Variants in CFAP74 observed in about 807,000 individuals in gnomAD.
CFAP74 encodes the protein cilia and flagella associated protein 74, also known as cilia- and flagella-associated protein 74.
CFAP74 carries 124 observed loss-of-function variants against 188.9 expected under a neutral mutation model. That is an observed-to-expected ratio of 0.66 (90% CI 0.57 to 0.76). CFAP74 has a LOEUF of 0.76. Ranked by LOEUF, CFAP74 falls within the 30% of genes least tolerant of loss-of-function variation. CFAP74 has a pLI of 0.00. For missense variants in CFAP74, 2,198 were observed against 2,165.2 expected (o/e 1.02, Z -0.30); for synonymous variants, 956 against 916.7 (o/e 1.04, Z -0.77).
rs759858034 is a variant in CFAP74, at chr1:1,923,793, C to G, written c.4371G>C (p.Gln1457His). 1.9e-6 allele frequency: 3 copies of G among 1,613,468 alleles called. No individual in the cohort carries two copies. Among genetic ancestry groups the G allele is most frequent in the Non-Finnish European group, 1.7e-6 (2 of 1,179,864 alleles). ...HESLYFSDKL[Q>H]VVLFEKKISH... Reference sequence around the variant, plus strand: ...GCCGCACCTTTTCAAAGAGCACCACCTGGAGCTTGTCGGAGAAGTAGAGGC... The same window carrying G: ...GCCGCACCTTTTCAAAGAGCACCACGTGGAGCTTGTCGGAGAAGTAGAGGC... The change falls in exon 35 of 39, where the codon CAG becomes CAC. Residue 1457 changes from glutamine to histidine, a missense_variant. Physicochemically the swap from Gln to His is conservative, Grantham distance 24. Transcript: ENST00000682832. This position sits in a 1 kb window ranked among gnomAD's most constrained non-coding sequence, Gnocchi z 6.3.
At position 1,979,037 on chromosome 1, in the gene CFAP74, A is replaced by G. The variant is rs536356620; in HGVS notation, c.501-4839T>C. Among the ~76,000 whole-genome samples, 5 of 148,320 alleles carry G rather than the reference A, an allele frequency of 3.4e-5. No individual in the cohort carries two copies. The South Asian group carries it at 1.1e-3, about 32-fold the overall frequency. ...GTGTCGTGCTGAGCTGGGCGTGGGA[A>G]GGCGTCATGTGACGAGGCTGCACAG... is the stretch of plus-strand genomic sequence containing the variant. On this transcript the variant is annotated intron_variant, in intron 6 of 38. Transcript: ENST00000682832.
In CFAP74 at chr1:1,960,021, G is replaced by A. The variant is rs926493525; in HGVS notation, c.1704C>T (p.Pro568=). 1 of 1,592,328 alleles carries A rather than the reference G, an allele frequency of 6.3e-7. No homozygotes were observed. Among genetic ancestry groups the A allele is most frequent in the African/African-American group, 1.4e-5 (1 of 72,616 alleles). ...ACATTCCGGCTGACAGGGGGCCAGG[G>A]GGGTCAAAGCTGCAGGACGTGACCC... ...LRDFIHVDFD[P]PGPLSAGMSC... The change falls in exon 15 of 39, where the codon CCC becomes CCT. Residue 568 remains proline (P), a synonymous_variant. Coordinates refer to ENST00000682832, the MANE Select transcript of CFAP74 (RefSeq NM_001304360.2).
At chr1:1,946,479 T>G (rs766773509) in intron 19 of CFAP74, 40 bp from the exon 20 acceptor site, 2 of 1,499,574 alleles carry the variant, frequency 1.3e-6, no homozygotes, top group Non-Finnish European at 8.9e-7. Flanking sequence ...CCAGGCTTCA[T>G]GGCTTTTAAG....
rs911573619 is a variant in CFAP74, at chr1:1,942,392, C to T, written c.2487-236G>A. On this transcript the variant is annotated intron_variant, in intron 21 of 38. Transcript: ENST00000682832. This position sits in a 1 kb window ranked among gnomAD's most constrained non-coding sequence, Gnocchi z 4.3. ...GAAGAATTCTTAAAAATAACCACATCGAAACGGAAGCACGGTCCTAATGGG... is the reference window on the plus strand; with the variant it reads ...GAAGAATTCTTAAAAATAACCACATTGAAACGGAAGCACGGTCCTAATGGG... Among the ~76,000 whole-genome samples the T allele has an allele frequency of 1.3e-5, 2 of 152,176 alleles. No homozygotes were observed.
chr1:1,998,770 G>A lies in CFAP74; in HGVS notation c.-20+4931C>T, dbSNP rs542927477. Among the ~76,000 whole-genome samples, 110 of 152,132 alleles carry A rather than the reference G, an allele frequency of 7.2e-4. No homozygotes were observed. In the East Asian group the frequency reaches 8.1e-3, roughly 11 times the overall value. On this transcript the variant is annotated intron_variant, in intron 1 of 38. Transcript: ENST00000682832. ...CGGGCACCTGTAGTCCCAGCTACTC[G>A]GGAGGCTGAGGTAGGAGAATGGCGT...
chr1:1,936,929 T>C (rs1316415002), intron 25 of CFAP74, among the ~76,000 whole-genome samples: 2 of 147,742 alleles, frequency 1.4e-5, no homozygotes, highest in Admixed American at 1.4e-4. Flanking sequence ...AAAATTAAAA[T>C]GTAAAAGTTC....
chr1:1,972,151 GCT>G, intron 8 of CFAP74, 69 bp from the exon 9 acceptor site: 1 of 1,184,034 alleles, frequency 8.4e-7, no homozygotes, highest in Non-Finnish European at 1.2e-6. Flanking sequence ...TGCGATCACA[GCT>G]CTCTGCAGCC....
intron 4 of CFAP74, chr1:1,988,073 C>T (rs763713444): frequency 2.1e-6 from 1 of 469,866 alleles, no homozygotes. Context: ...CCTCCCAAGT[C>T]ACTGGGACCA....
rs567307976 is a variant in CFAP74 at position 1,943,014 on chromosome 1, AC to A, written c.2487-859del. Among the ~76,000 whole-genome samples the A allele has an allele frequency of 3.6e-3, 546 of 152,198 alleles. 7 individuals are homozygous for A. Among genetic ancestry groups the A allele is most frequent in the Middle Eastern group, 0.017 (5 of 294 alleles). ...TGCGTCTGGGCACGCCAGCCTCTGC[AC>A]CCCTACTGCTGGGCCCCATGGGAGG... is the stretch of plus-strand genomic sequence containing the variant. On this transcript the variant is annotated intron_variant, in intron 21 of 38. Transcript: ENST00000682832.
chr1:1,990,982 AAG>A lies in CFAP74; in HGVS notation c.-19-9_-19-8del. 1 of 1,572,704 alleles carries A rather than the reference AAG, an allele frequency of 6.4e-7. No individual in the cohort carries two copies. Among genetic ancestry groups the A allele is most frequent in the Non-Finnish European group, 8.7e-7 (1 of 1,150,950 alleles). On this transcript the variant is annotated splice_region_variant and splice_polypyrimidine_tract_variant and intron_variant, in intron 1 of 38. Coordinates refer to ENST00000682832, the MANE Select transcript of CFAP74 (RefSeq NM_001304360.2). ...GCTGGGAGATAGAAATTAGCTGCAA[AAG>A]ATGATCGCAAAATATAGATCAATAA... is the stretch of plus-strand genomic sequence containing the variant.
rs754244636 is a variant in CFAP74, at chr1:1,970,792, A to T, written c.913T>A (p.Trp305Arg). The T allele has an allele frequency of 6.2e-7, 1 of 1,614,132 alleles. No homozygotes were observed. Among genetic ancestry groups the T allele is most frequent in the South Asian group, 1.1e-5 (1 of 91,092 alleles). Residue 305 changes from tryptophan (W) to arginine (R), a missense_variant, in exon 10 of 39, where the codon TGG becomes AGG. Transcript: ENST00000682832. The stretch of plus-strand genomic sequence containing the variant: ...GCCAGCTCTGCCTTGGCACGGTCCC[A>T]TGCTTGGAACTTCCGCAGTGTGTCC... ...NRDTLRKFQA[W>R]DRAKAELAEQ...
chr1:1,941,724 C>T (rs569739260), intron 22 of CFAP74, among the ~76,000 whole-genome samples: 3 of 152,310 alleles, frequency 2.0e-5, no homozygotes, highest in South Asian at 2.1e-4. Context: ...TGAGAGCCAC[C>T]GGCCATGCAT....
In CFAP74 at chr1:1,923,539, G is replaced by A. The variant is rs765205068; in HGVS notation, c.4390-40C>T. The A allele has an allele frequency of 2.5e-6, 4 of 1,591,946 alleles. No homozygotes were observed. Among genetic ancestry groups the A allele is most frequent in the African/African-American group, 1.3e-5 (1 of 74,566 alleles). On this transcript the variant is annotated intron_variant, in intron 35 of 38. Coordinates refer to ENST00000682832, the MANE Select transcript of CFAP74 (RefSeq NM_001304360.2). The surrounding 1 kb of genome is among the most constrained non-coding windows in gnomAD (Gnocchi z 6.3). ...TGGAGTGGCCTTGTCCCCGAAGCTC[G>A]GCGGCAGGGGTCCTGCTGGTGAGAG...
intron 1 of CFAP74, among the ~76,000 whole-genome samples, chr1:2,002,001 T>A (rs1439868297): frequency 3.9e-5 from 6 of 152,172 alleles, no homozygotes; most frequent in Admixed American, 3.9e-4. Flanking sequence ...GCTGGATCCT[T>A]CCACGCTGGG....
At chr1:1,939,801 C>T (rs1468103529) in intron 23 of CFAP74, 34 bp from the exon 24 acceptor site, 20 of 1,520,482 alleles carry the variant, frequency 1.3e-5, no homozygotes, top group Non-Finnish European at 1.8e-5. Flanking sequence ...CCCTCGCAGC[C>T]ACTCGGAGAC....
intron 20 of CFAP74, among the ~76,000 whole-genome samples, chr1:1,946,006 G>A (rs1476132732): frequency 6.7e-6 from 1 of 149,334 alleles, no homozygotes; most frequent in African/African-American, 2.5e-5. Context: ...GCATGTGTGC[G>A]GGACTGCGTG....
intron 4 of CFAP74, among the ~76,000 whole-genome samples, 155 bp from the exon 5 acceptor site, chr1:1,987,190 C>G (rs1299137249): frequency 6.6e-6 from 1 of 152,256 alleles, no homozygotes; most frequent in South Asian, 2.1e-4. Flanking sequence ...TCAAGCCACA[C>G]AAGCAGGGTC....
At position 1,968,012 on chromosome 1, in the gene CFAP74, GTGAA is replaced by G. The variant is rs150534229; in HGVS notation, c.1245+619_1245+622del. The stretch of plus-strand genomic sequence containing the variant: ...AATGAGTGAATGAGTGAGCGAATGA[GTGAA>G]TGAATGAGTGAATGAGTGAATGAAT... On this transcript the variant is annotated intron_variant, in intron 11 of 38. Coordinates refer to ENST00000682832, the MANE Select transcript of CFAP74 (RefSeq NM_001304360.2). The surrounding 1 kb of genome is among the most constrained non-coding windows in gnomAD (Gnocchi z 4.3). 0.22 allele frequency among the ~76,000 whole-genome samples: 33,590 copies of G among 151,544 alleles called. 3,874 individuals are homozygous for G. The highest frequency in any genetic ancestry group is 0.26 in the East Asian group (1,340 of 5,108).
At chr1:1,976,217 C>T (rs552584089) in intron 6 of CFAP74, among the ~76,000 whole-genome samples, 50 of 152,328 alleles carry the variant, frequency 3.3e-4, no homozygotes, top group Non-Finnish European at 3.1e-4. Context: ...TTGGTTTGGA[C>T]GCGTGTCCCC....
Sources: allele counts gnomAD v4.1 joint callset (sites outside exome capture counted in the v4.1 genomes callset), GRCh38; gene constraint gnomAD v4.1.1; non-coding constraint Gnocchi (gnomAD v3.1); transcripts MANE v1.5; gene names NCBI Gene and HGNC (gene_info 2026-07-23, HGNC 2026-07-21).